PLOD1: variants seen among roughly 807,000 people sequenced by gnomAD.
The protein encoded by PLOD1 is procollagen-lysine,2-oxoglutarate 5-dioxygenase 1, also known as lysine hydroxylase.
PLOD1 carries 70 observed loss-of-function variants against 94.7 expected under a neutral mutation model. The observed-to-expected ratio is 0.74, with a 90% CI of 0.61 to 0.90. The LOEUF is 0.90. Ranked by LOEUF, PLOD1 falls within the 40% of genes least tolerant of loss-of-function variation. PLOD1 has a pLI of 0.00. For synonymous variants in PLOD1, 417 were observed against 400.2 expected (o/e 1.04, Z -0.50); for missense variants, 905 against 972.7 (o/e 0.93, Z 0.93).
Position 11,963,716 on chromosome 1 carries a change from C to G in PLOD1, c.1202+80C>G. ...TGGCAGCCCTCCTTGCCTTCCTCCT[C>G]CTCCTCCTCATCCACCTCCTCTTCC... On this transcript the variant is annotated intron_variant, in intron 11 of 18. Coordinates refer to ENST00000196061, the MANE Select transcript of PLOD1 (RefSeq NM_000302.4). This position sits in a 1 kb window ranked among gnomAD's most constrained non-coding sequence, Gnocchi z 4.3. The G allele has an allele frequency of 1.2e-6, 1 of 814,986 alleles. No individual in the cohort carries two copies. Among genetic ancestry groups the G allele is most frequent in the Non-Finnish European group, 2.1e-6 (1 of 475,454 alleles). 50.5% of individuals were successfully genotyped at this position (814,986 alleles called of 1,614,324 possible).
chr1:11,944,973 A>C (rs535743102), intron 1 of PLOD1, among the ~76,000 whole-genome samples: 40 of 152,228 alleles, frequency 2.6e-4, no homozygotes, highest in Admixed American at 2.6e-3. Context: ...CAGGGAGCTA[A>C]GACTCACCCA....
chr1:11,970,565 A>C (rs1645854224), intron 16 of PLOD1, 105 bp from the exon 17 acceptor site: 2 of 1,039,674 alleles, frequency 1.9e-6, no homozygotes, highest in Non-Finnish European at 2.9e-6. Flanking sequence ...CAGTTTTGTC[A>C]TGTAATGTGG....
chr1:11,948,153 C>T (rs903903133), intron 2 of PLOD1, 86 bp downstream of exon 2: 1 of 937,076 alleles, frequency 1.1e-6, no homozygotes, highest in Non-Finnish European at 1.8e-6. Flanking sequence ...TACCACGTCT[C>T]TTAAGATAGA....
chr1:11,956,759 C>G (rs1156979942), intron 6 of PLOD1, among the ~76,000 whole-genome samples, 158 bp from the exon 7 acceptor site: 2 of 152,066 alleles, frequency 1.3e-5, no homozygotes, highest in Admixed American at 1.3e-4. Context: ...AGGGATTATT[C>G]CTATTTTATA....
rs1645875929 is a variant in PLOD1, at chr1:11,972,847, C to A, written c.1903-25C>A. 6.2e-7 allele frequency: 1 copy of A among 1,613,846 alleles called. No individual in the cohort carries two copies. The highest frequency in any genetic ancestry group is 1.3e-5 in the African/African-American group (1 of 75,034). Reference sequence around the variant, plus strand: ...GTGTCCTCCTTAACTAACACGGGCTCTCTTGTCCCCCTGCCTTGGTACAGG... The same window carrying A: ...GTGTCCTCCTTAACTAACACGGGCTATCTTGTCCCCCTGCCTTGGTACAGG... On this transcript the variant is annotated intron_variant, in intron 17 of 18. Coordinates refer to ENST00000196061, the MANE Select transcript of PLOD1 (RefSeq NM_000302.4). The surrounding 1 kb of genome is among the most constrained non-coding windows in gnomAD (Gnocchi z 4.6).
Position 11,972,807 on chromosome 1 carries a change from C to G in PLOD1, c.1903-65C>G. ...AGACCAGGCCCCATGTGTGCACCCTCCTCTCCTGGCCTTTGTGTCCTCCTT... is the reference window on the plus strand; with the variant it reads ...AGACCAGGCCCCATGTGTGCACCCTGCTCTCCTGGCCTTTGTGTCCTCCTT... On this transcript the variant is annotated intron_variant, in intron 17 of 18. Transcript: ENST00000196061. This position sits in a 1 kb window ranked among gnomAD's most constrained non-coding sequence, Gnocchi z 4.6. 6.3e-7 allele frequency: 1 copy of G among 1,597,338 alleles called. No individual in the cohort carries two copies.
chr1:11,951,745 C>T (rs999680799), intron 4 of PLOD1, among the ~76,000 whole-genome samples: 1 of 150,658 alleles, frequency 6.6e-6, no homozygotes, highest in Non-Finnish European at 1.5e-5. Context: ...CGATGAAACC[C>T]CGTCTCCACT....
At position 11,957,840 on chromosome 1, in the gene PLOD1, A is replaced by G. The variant is rs374603327; in HGVS notation, c.742-2A>G. The G allele has an allele frequency of 2.5e-6, 4 of 1,611,134 alleles. No homozygotes were observed. The highest frequency in any genetic ancestry group is 3.4e-6 in the Non-Finnish European group (4 of 1,177,230). On this transcript the variant is annotated splice_acceptor_variant, in intron 7 of 18. Coordinates refer to ENST00000196061, the MANE Select transcript of PLOD1 (RefSeq NM_000302.4). LOFTEE classifies it high-confidence loss of function. This position sits in a 1 kb window ranked among gnomAD's most constrained non-coding sequence, Gnocchi z 4.1. ...CTCTGTGACCCCACGTCTCCCCGAC[A>G]GCTGCAGTTGAACTACCTGGGCAAC...
rs1280596501 is a variant in PLOD1 at position 11,963,465 on chromosome 1, A to C, written c.1098-67A>C. 1 of 1,036,962 alleles carries C rather than the reference A, an allele frequency of 9.6e-7. No homozygotes were observed. Among genetic ancestry groups the C allele is most frequent in the African/African-American group, 1.6e-5 (1 of 63,636 alleles). The allele number at this position is 1,036,962 out of a possible 1,614,324, so 64.2% of individuals were successfully genotyped here. On this transcript the variant is annotated intron_variant, in intron 10 of 18. Coordinates refer to ENST00000196061, the MANE Select transcript of PLOD1 (RefSeq NM_000302.4). The surrounding 1 kb of genome is among the most constrained non-coding windows in gnomAD (Gnocchi z 4.3). ...TATGTGGTGAAGCCAGACTGTGGTC[A>C]CAGATGTGAGCAGCCACCAGTAGCT...
chr1:11,952,168 G>A (rs527382959), intron 4 of PLOD1, among the ~76,000 whole-genome samples: 1 of 152,304 alleles, frequency 6.6e-6, no homozygotes, highest in South Asian at 2.1e-4. Context: ...CTCTAGCCAG[G>A]GGCCCATGTG....
chr1:11,972,983 G>C lies in PLOD1; in HGVS notation c.2014G>C (p.Gly672Arg). 6.2e-7 allele frequency: 1 copy of C among 1,614,034 alleles called. No homozygotes were observed. Among genetic ancestry groups the C allele is most frequent in the Non-Finnish European group, 8.5e-7 (1 of 1,179,960 alleles). Residue 672 changes from glycine (G) to arginine (R), a missense_variant, in exon 18 of 19, where the codon GGG becomes CGG. Coordinates refer to ENST00000196061, the MANE Select transcript of PLOD1 (RefSeq NM_000302.4). This position sits in a 1 kb window ranked among gnomAD's most constrained non-coding sequence, Gnocchi z 4.6. ...FTINIALNRVGVDYEGGGCRF... is the reference protein window; with the variant it reads ...FTINIALNRVRVDYEGGGCRF... Reference sequence around the variant, plus strand: ...CATCAACATCGCCCTGAACCGAGTCGGGGTGGATTACGAGGTGAGCAGGAG... The same window carrying C: ...CATCAACATCGCCCTGAACCGAGTCCGGGTGGATTACGAGGTGAGCAGGAG...
chr1:11,956,806 C>G, intron 6 of PLOD1, 111 bp from the exon 7 acceptor site: 1 of 774,542 alleles, frequency 1.3e-6, no homozygotes, highest in Non-Finnish European at 2.4e-6. Context: ...AGTGACTTGC[C>G]CGAGGACATA....
At chr1:11,954,512 A>G in intron 5 of PLOD1, 1 of 619,386 alleles carries the variant, frequency 1.6e-6, no homozygotes. Flanking sequence ...TGGAGTAGCT[A>G]TGTGCGTGTA....
chr1:11,954,806 A>G, intron 5 of PLOD1, 24 bp from the exon 6 acceptor site: 1 of 1,590,760 alleles, frequency 6.3e-7, no homozygotes, highest in Admixed American at 1.7e-5. Flanking sequence ...TCCCTGCTGC[A>G]GTCTGGTACC....
At chr1:11,968,104 C>T (rs770644564) in intron 16 of PLOD1, among the ~76,000 whole-genome samples, 1 of 151,838 alleles carries the variant, frequency 6.6e-6, no homozygotes, top group Non-Finnish European at 1.5e-5. Flanking sequence ...CAGGCGTGTG[C>T]CACCATCCCT....
chr1:11,965,458 C>A, intron 13 of PLOD1, 22 bp from the exon 14 acceptor site: 4 of 1,467,080 alleles, frequency 2.7e-6, no homozygotes, highest in Non-Finnish European at 3.8e-6. Context: ...AGCGCCTCTT[C>A]CACCGGGCCT....
chr1:11,938,543 T>C (rs1248034331), intron 1 of PLOD1, among the ~76,000 whole-genome samples: 3 of 152,154 alleles, frequency 2.0e-5, no homozygotes, highest in African/African-American at 4.8e-5. Context: ...CTGCAGGTCT[T>C]GCCTGAGCAT....
chr1:11,960,514 AG>A, intron 9 of PLOD1, 131 bp from the exon 10 acceptor site: 1 of 732,080 alleles, frequency 1.4e-6, no homozygotes, highest in Non-Finnish European at 2.4e-6. Flanking sequence ...GTCTGGAGAC[AG>A]GAAAGCAGAT....
intron 1 of PLOD1, 41 bp downstream of exon 1, chr1:11,934,896 C>T (rs1282427257): frequency 2.6e-6 from 4 of 1,526,050 alleles, no homozygotes; most frequent in African/African-American, 1.4e-5. Context: ...CGGATCCGGG[C>T]GGGAGGGCTG....
Sources: allele counts gnomAD v4.1 joint callset (sites outside exome capture counted in the v4.1 genomes callset), GRCh38; gene constraint gnomAD v4.1.1; non-coding constraint Gnocchi (gnomAD v3.1); transcripts MANE v1.5; gene names NCBI Gene and HGNC (gene_info 2026-07-23, HGNC 2026-07-21).